Variants in KCNQ1OT1 observed in about 807,000 individuals in gnomAD.
The protein encoded by KCNQ1OT1 is KCNQ1 opposite strand/antisense transcript 1.
At chr11:2,686,636 G>C in exon 1 of KCNQ1OT1, 1 of 398,664 alleles carries the variant, frequency 2.5e-6, no homozygotes, top group Non-Finnish European at 4.4e-6. Flanking sequence ...CTCAGGCCCA[G>C]GCTGCACAGA....
chr11:2,620,073 C>A lies in KCNQ1OT1; in HGVS notation n.79922G>T. ...GATCATCTTTATGTCCATGTTTACT[C>A]AGTGTTTAGGTCCCACTTGCAAGTG... On this transcript the variant is annotated non_coding_transcript_exon_variant, in exon 1 of 1. Coordinates refer to ENST00000597346, the Ensembl canonical transcript of KCNQ1OT1. The surrounding 1 kb of genome is among the most constrained non-coding windows in gnomAD (Gnocchi z 4.5). 2.5e-6 allele frequency: 1 copy of A among 398,172 alleles called. No homozygotes were observed. The highest frequency in any genetic ancestry group is 1.3e-4 in the South Asian group (1 of 7,810). The allele number at this position is 398,172 out of a possible 1,614,324, so 24.7% of individuals were successfully genotyped here.
exon 1 of KCNQ1OT1, chr11:2,610,471 T>G (rs1589980232): frequency 2.5e-6 from 1 of 398,424 alleles, no homozygotes; most frequent in East Asian, 3.6e-5. Context: ...TTTATGGATT[T>G]GAGTTACCAA....
chr11:2,677,279 C>A lies in KCNQ1OT1; in HGVS notation n.22716G>T. On this transcript the variant is annotated non_coding_transcript_exon_variant, in exon 1 of 1. Coordinates refer to ENST00000597346, the Ensembl canonical transcript of KCNQ1OT1. The surrounding 1 kb of genome is among the most constrained non-coding windows in gnomAD (Gnocchi z 4.5). ...GAACTTATAAAGAGGAACTGTAAAT[C>A]TTGTCAAAATAGGAGATTTCATCAA... is the stretch of plus-strand genomic sequence containing the variant. The A allele has an allele frequency of 2.5e-6, 1 of 398,564 alleles. No individual in the cohort carries two copies. The allele number at this position is 398,564 out of a possible 1,614,324, so 24.7% of individuals were successfully genotyped here.
exon 1 of KCNQ1OT1, chr11:2,622,380 G>T: frequency 2.5e-6 from 1 of 397,666 alleles, no homozygotes. Context: ...CTTTCTTTAG[G>T]TTACTATTTG....
exon 1 of KCNQ1OT1, chr11:2,685,708 C>T (rs1850476473): frequency 2.5e-6 from 1 of 398,542 alleles, no homozygotes; most frequent in Non-Finnish European, 4.4e-6. Context: ...GTCTGGGACC[C>T]CAGGGAGGGT....
exon 1 of KCNQ1OT1, chr11:2,646,378 G>A: frequency 2.5e-6 from 1 of 398,514 alleles, no homozygotes; most frequent in Non-Finnish European, 4.4e-6. Flanking sequence ...TTCAATTACT[G>A]TTATCAGTAT....
chr11:2,655,597 C>G (rs1849831391), exon 1 of KCNQ1OT1: 2 of 398,562 alleles, frequency 5.0e-6, no homozygotes, highest in African/African-American at 4.1e-5. Flanking sequence ...ACAAGCAAGA[C>G]CTGTTAGGGC....
At chr11:2,693,662 C>T (rs888148358) in exon 1 of KCNQ1OT1, 3 of 398,518 alleles carry the variant, frequency 7.5e-6, no homozygotes, top group South Asian at 1.3e-4. Context: ...CTTTTAGTTC[C>T]GCAGACAGAG....
chr11:2,678,431 C>T lies in KCNQ1OT1; in HGVS notation n.21564G>A. 7.5e-6 allele frequency: 3 copies of T among 398,566 alleles called. No homozygotes were observed. Among genetic ancestry groups the T allele is most frequent in the African/African-American group, 6.2e-5 (3 of 48,730 alleles). 24.7% of individuals were successfully genotyped at this position (398,566 alleles called of 1,614,324 possible). A position where few individuals can be genotyped will look rare whatever the true frequency, so the allele number is the denominator to read the frequency against. ...TCCAACACTATTTATTTGAGTACAT[C>T]ATCATCTCTCTACTAATTTCAACTG... On this transcript the variant is annotated non_coding_transcript_exon_variant, in exon 1 of 1. Transcript: ENST00000597346. The surrounding 1 kb of genome is among the most constrained non-coding windows in gnomAD (Gnocchi z 4.9).
chr11:2,609,550 G>A (rs1254785619), exon 1 of KCNQ1OT1: 6 of 397,988 alleles, frequency 1.5e-5, no homozygotes, highest in Non-Finnish European at 2.7e-5. Context: ...GTTGGTTTAT[G>A]GTGTTGCTCA....
At position 2,653,527 on chromosome 11, in the gene KCNQ1OT1, A is replaced by C. The variant is rs956327181; in HGVS notation, n.46468T>G. On this transcript the variant is annotated non_coding_transcript_exon_variant, in exon 1 of 1. Transcript: ENST00000597346. This position sits in a 1 kb window ranked among gnomAD's most constrained non-coding sequence, Gnocchi z 5.3. Reference sequence around the variant, plus strand: ...GAGATGATCTTGCTCACTTGCTCTCACTCTCCCCTCTTGCACTCCCCTTCT... The same window carrying C: ...GAGATGATCTTGCTCACTTGCTCTCCCTCTCCCCTCTTGCACTCCCCTTCT... The C allele has an allele frequency of 1.3e-5, 5 of 397,364 alleles. No homozygotes were observed. The Admixed American group carries it at 1.8e-4, about 14-fold the overall frequency. The allele number at this position is 397,364 out of a possible 1,614,324, so 24.6% of individuals were successfully genotyped here.
Position 2,653,876 on chromosome 11 carries a change from A to T in KCNQ1OT1, n.46119T>A, listed in dbSNP as rs1849795619. 2.5e-6 allele frequency: 1 copy of T among 398,620 alleles called. No homozygotes were observed. Among genetic ancestry groups the T allele is most frequent in the Admixed American group, 4.4e-5 (1 of 22,736 alleles). The allele number at this position is 398,620 out of a possible 1,614,324, so 24.7% of individuals were successfully genotyped here. A position where few individuals can be genotyped will look rare whatever the true frequency, so the allele number is the denominator to read the frequency against. ...CTAAACACTGCACACTAGGAGTGGG[A>T]AAGGAAGAGCCCCCTAAGGAAGATT... On this transcript the variant is annotated non_coding_transcript_exon_variant, in exon 1 of 1. Coordinates refer to ENST00000597346, the Ensembl canonical transcript of KCNQ1OT1. This position sits in a 1 kb window ranked among gnomAD's most constrained non-coding sequence, Gnocchi z 5.3.
In KCNQ1OT1 at chr11:2,608,832, T is replaced by C. The variant is rs1352573463; in HGVS notation, n.91163A>G. On this transcript the variant is annotated non_coding_transcript_exon_variant, in exon 1 of 1. Transcript: ENST00000597346. The surrounding 1 kb of genome is among the most constrained non-coding windows in gnomAD (Gnocchi z 4.6). The stretch of plus-strand genomic sequence containing the variant: ...TTGTAAAACTGTCATTCATTTCTGA[T>C]TTTAGTAATTTGAGTTTTCTCTCTC... 1 of 398,348 alleles carries C rather than the reference T, an allele frequency of 2.5e-6. No homozygotes were observed. Among genetic ancestry groups the C allele is most frequent in the Non-Finnish European group, 4.4e-6 (1 of 226,042 alleles). 24.7% of individuals were successfully genotyped at this position (398,348 alleles called of 1,614,324 possible). A position where few individuals can be genotyped will look rare whatever the true frequency, so the allele number is the denominator to read the frequency against.
At chr11:2,646,524 T>C (rs974454617) in exon 1 of KCNQ1OT1, 1 of 398,518 alleles carries the variant, frequency 2.5e-6, no homozygotes, top group Non-Finnish European at 4.4e-6. Flanking sequence ...TACTGATTTT[T>C]TGGGGGAGGC....
chr11:2,672,908 G>A (rs181309618), exon 1 of KCNQ1OT1: 5 of 398,766 alleles, frequency 1.3e-5, no homozygotes, highest in African/African-American at 8.2e-5. Flanking sequence ...GGCACTTGAG[G>A]CCTTGGGCTG....
At chr11:2,662,527 T>A (rs1477554114) in exon 1 of KCNQ1OT1, 13 of 425,306 alleles carry the variant, frequency 3.1e-5, no homozygotes, top group Non-Finnish European at 5.0e-5. Flanking sequence ...AGGAAATGGC[T>A]GATTTTCCAC....
Position 2,669,083 on chromosome 11 carries a change from G to A in KCNQ1OT1, n.30912C>T. 3 of 398,734 alleles carry A rather than the reference G, an allele frequency of 7.5e-6. No homozygotes were observed. The highest frequency in any genetic ancestry group is 1.3e-5 in the Non-Finnish European group (3 of 226,126). The allele number at this position is 398,734 out of a possible 1,614,324, so 24.7% of individuals were successfully genotyped here. On this transcript the variant is annotated non_coding_transcript_exon_variant, in exon 1 of 1. Transcript: ENST00000597346. The surrounding 1 kb of genome is among the most constrained non-coding windows in gnomAD (Gnocchi z 5.6). ...CTCCCAACTACCCTGCCGTATCAGT[G>A]TCTTTACAATCAGCTCACTGGCTAC...
In KCNQ1OT1 at chr11:2,687,087, T is replaced by G. The variant is rs1590032490; in HGVS notation, n.12908A>C. The G allele has an allele frequency of 2.5e-6, 1 of 398,576 alleles. No homozygotes were observed. The highest frequency in any genetic ancestry group is 3.6e-5 in the East Asian group (1 of 28,068). The allele number at this position is 398,576 out of a possible 1,614,324, so 24.7% of individuals were successfully genotyped here. A position where few individuals can be genotyped will look rare whatever the true frequency, so the allele number is the denominator to read the frequency against. The stretch of plus-strand genomic sequence containing the variant: ...ACAAAGTGATGCAAGATATCCTGAG[T>G]TGGGTGTGACAAGTACACCTTGACA... On this transcript the variant is annotated non_coding_transcript_exon_variant, in exon 1 of 1. Coordinates refer to ENST00000597346, the Ensembl canonical transcript of KCNQ1OT1. This position sits in a 1 kb window ranked among gnomAD's most constrained non-coding sequence, Gnocchi z 5.0.
exon 1 of KCNQ1OT1, chr11:2,675,641 T>G: frequency 2.5e-6 from 1 of 398,644 alleles, no homozygotes; most frequent in Non-Finnish European, 4.4e-6. Context: ...AGAGGGTGGT[T>G]GGGCTCTCTA....
Sources: gnomAD v4.1 joint callset for allele counts on GRCh38, gnomAD v4.1.1 for gene constraint, Gnocchi (gnomAD v3.1) non-coding constraint, MANE v1.5 for transcripts, NCBI Gene and HGNC (gene_info 2026-07-23, HGNC 2026-07-21) for gene names.